The following TDRP variants were observed in gnomAD, a reference collection of about 807,000 sequenced individuals.
TDRP encodes the protein testis development related protein, also known as testis development-related protein.
Under a neutral mutation model 10.5 loss-of-function variants are expected in TDRP, and 12 were observed. That is an observed-to-expected ratio of 1.15 (90% confidence interval 0.73 to 1.86). The LOEUF is 1.86. Ranked by LOEUF, TDRP falls within the 40% of genes most tolerant of loss-of-function variation. The pLI, the probability that TDRP is intolerant of heterozygous loss-of-function variation, is 0.00. For synonymous variants in TDRP, 139 were observed against 95.4 expected, an observed-to-expected ratio of 1.46 and a Z score of -2.67; for missense variants, 353 against 229.2, an observed-to-expected ratio of 1.54 and a Z score of -3.49.
intron 1 of TDRP, among the ~76,000 whole-genome samples, chr8:496,249 C>T (rs1405785930): frequency 6.6e-6 from 1 of 152,176 alleles, no homozygotes; most frequent in Non-Finnish European, 1.5e-5. Flanking sequence ...CTTGTATGCA[C>T]ATCAGGTAAA....
At chr8:513,462 G>C (rs1299216892) in intron 1 of TDRP, among the ~76,000 whole-genome samples, 5 of 152,118 alleles carry the variant, frequency 3.3e-5, no homozygotes, top group Non-Finnish European at 7.3e-5. Flanking sequence ...ACTCTTTCAT[G>C]ATAAAAACAT....
At chr8:532,714 G>T (rs773367999) in intron 1 of TDRP, among the ~76,000 whole-genome samples, 24 of 152,138 alleles carry the variant, frequency 1.6e-4, no homozygotes, top group Non-Finnish European at 3.2e-4. Context: ...AACAAATTCT[G>T]TATCACAAAC....
chr8:511,865 TA>T (rs1348340406), intron 1 of TDRP, among the ~76,000 whole-genome samples: 1 of 152,098 alleles, frequency 6.6e-6, no homozygotes, highest in Non-Finnish European at 1.5e-5. Flanking sequence ...AAAATACTTG[TA>T]AACAAAGTGA....
intron 1 of TDRP, among the ~76,000 whole-genome samples, chr8:506,219 G>C (rs184326627): frequency 6.6e-6 from 1 of 152,186 alleles, no homozygotes; most frequent in East Asian, 1.9e-4. Flanking sequence ...GCTCCCAAGG[G>C]CACATAGTAA....
chr8:505,903 C>G (rs376710044), intron 1 of TDRP, among the ~76,000 whole-genome samples: 3 of 152,136 alleles, frequency 2.0e-5, no homozygotes, highest in African/African-American at 4.8e-5. Flanking sequence ...AAAGTCGGCA[C>G]GTAGATATCA....
chr8:515,665 C>G (rs1011631910), intron 1 of TDRP, among the ~76,000 whole-genome samples: 1 of 152,102 alleles, frequency 6.6e-6, no homozygotes, highest in Non-Finnish European at 1.5e-5. Flanking sequence ...ATTGGGCAGC[C>G]TCTAACATTA....
chr8:528,871 A>G (rs11985247), intron 1 of TDRP, among the ~76,000 whole-genome samples: 106,486 of 151,816 alleles, frequency 0.7, 37,796 homozygotes, highest in African/African-American at 0.77. Context: ...GTAAAGGGGA[A>G]TTTATTAAGT....
chr8:502,104 C>G (rs772220607), intron 1 of TDRP, among the ~76,000 whole-genome samples: 5 of 152,218 alleles, frequency 3.3e-5, no homozygotes, highest in African/African-American at 9.6e-5. Flanking sequence ...TGTGAAAATG[C>G]TGTGATCCTG....
At chr8:527,770 G>T (rs1321130098) in intron 1 of TDRP, among the ~76,000 whole-genome samples, 1 of 152,092 alleles carries the variant, frequency 6.6e-6, no homozygotes, top group Non-Finnish European at 1.5e-5. Context: ...AATCAAAATG[G>T]ATTAAAGACT....
intron 1 of TDRP, among the ~76,000 whole-genome samples, chr8:519,899 C>T (rs1010878983): frequency 1.2e-4 from 18 of 152,172 alleles, no homozygotes; most frequent in African/African-American, 4.1e-4. Flanking sequence ...TCCGAATCAG[C>T]ATCTGGCCCC....
At chr8:535,432 T>C (rs1325678560) in intron 1 of TDRP, among the ~76,000 whole-genome samples, 1 of 151,934 alleles carries the variant, frequency 6.6e-6, no homozygotes, top group Non-Finnish European at 1.5e-5. Context: ...AAGGATCAGA[T>C]AAAACGAACA....
chr8:499,370 G>A (rs899950303), intron 1 of TDRP, among the ~76,000 whole-genome samples: 33 of 152,078 alleles, frequency 2.2e-4, no homozygotes, highest in African/African-American at 7.0e-4. Context: ...ACACCACGCT[G>A]GGCTGGCAGT....
intron 1 of TDRP, among the ~76,000 whole-genome samples, chr8:519,301 G>C (rs143773279): frequency 6.6e-6 from 1 of 152,010 alleles, no homozygotes; most frequent in Non-Finnish European, 1.5e-5. Flanking sequence ...CTGTTCCTCC[G>C]CTGTATCCTT....
intron 1 of TDRP, among the ~76,000 whole-genome samples, chr8:533,187 C>T (rs1297715044): frequency 2.0e-5 from 3 of 152,184 alleles, no homozygotes; most frequent in Non-Finnish European, 2.9e-5. Context: ...GGTTCTTGTA[C>T]ATTTTTGACA....
intron 1 of TDRP, among the ~76,000 whole-genome samples, chr8:542,592 C>T (rs920918122): frequency 2.0e-5 from 3 of 152,096 alleles, no homozygotes; most frequent in Non-Finnish European, 4.4e-5. Flanking sequence ...AGGCCAGGCG[C>T]GGTGGCTCAC....
At chr8:513,660 A>T (rs1801676429) in intron 1 of TDRP, among the ~76,000 whole-genome samples, 1 of 152,230 alleles carries the variant, frequency 6.6e-6, no homozygotes, top group Non-Finnish European at 1.5e-5. Context: ...CACAGCAATT[A>T]GACAAGAAAA....
At chr8:498,469 C>T (rs548431947) in intron 1 of TDRP, among the ~76,000 whole-genome samples, 116 of 152,300 alleles carry the variant, frequency 7.6e-4, no homozygotes, top group Non-Finnish European at 1.4e-3. Flanking sequence ...TTACCCAACG[C>T]CTGCACCTCC....
intron 1 of TDRP, among the ~76,000 whole-genome samples, chr8:516,510 C>T (rs776931665): frequency 6.6e-6 from 1 of 152,156 alleles, no homozygotes; most frequent in East Asian, 1.9e-4. Flanking sequence ...TGAAAAGATG[C>T]TCCACAACAT....
chr8:501,295 G>C (rs868541457), intron 1 of TDRP, among the ~76,000 whole-genome samples: 3 of 152,116 alleles, frequency 2.0e-5, no homozygotes, highest in East Asian at 1.9e-4. Context: ...GTTCAGTCCA[G>C]AGTCCATGTA....
Sources: gnomAD v4.1 joint callset for allele counts (sites outside exome capture counted in the v4.1 genomes callset) on GRCh38, gnomAD v4.1.1 for gene constraint, MANE v1.5 for transcripts, NCBI Gene and HGNC (gene_info 2026-07-23, HGNC 2026-07-21) for gene names.